Variants in MYO3B observed in about 807,000 individuals in gnomAD.
MYO3B encodes myosin-IIIb.
A neutral mutation model predicts 174.6 loss-of-function variants in MYO3B; 156 were observed. The ratio of observed to expected loss-of-function variants is 0.89; its 90% confidence interval spans 0.78 to 1.02. MYO3B has a LOEUF of 1.02. Ranked by LOEUF, MYO3B falls within the 50% of genes least tolerant of loss-of-function variation. MYO3B has a pLI of 0.00. For synonymous variants in MYO3B, 563 were observed against 569.1 expected (o/e 0.99, Z 0.15); for missense variants, 1,632 against 1,639.4 (o/e 1.00, Z 0.08).
At chr2:170,386,057 C>G in intron 12 of MYO3B, 132 bp from the exon 13 acceptor site, 2 of 642,772 alleles carry the variant, frequency 3.1e-6, no homozygotes, top group Non-Finnish European at 5.4e-6. Context: ...TCTCTATGTA[C>G]TGAAATAGGA....
intron 9 of MYO3B, among the ~76,000 whole-genome samples, chr2:170,377,951 G>A (rs190844366): frequency 5.3e-5 from 8 of 151,988 alleles, no homozygotes; most frequent in East Asian, 3.9e-4. Context: ...CACATTAAAC[G>A]AGGAATTCTT....
intron 32 of MYO3B, among the ~76,000 whole-genome samples, chr2:170,566,240 A>G (rs1170747878): frequency 6.6e-6 from 1 of 152,200 alleles, no homozygotes; most frequent in Non-Finnish European, 1.5e-5. Flanking sequence ...TAAGGAATTT[A>G]TTCTTAACTG....
At chr2:170,632,418 C>G (rs1030156692) in intron 32 of MYO3B, among the ~76,000 whole-genome samples, 1 of 152,134 alleles carries the variant, frequency 6.6e-6, no homozygotes, top group Admixed American at 6.6e-5. Flanking sequence ...TAAAGATGTT[C>G]TTTGAAACCA....
intron 30 of MYO3B, among the ~76,000 whole-genome samples, chr2:170,528,529 C>T (rs1487389663): frequency 6.6e-6 from 1 of 152,198 alleles, no homozygotes; most frequent in Non-Finnish European, 1.5e-5. Context: ...CCTCAGCCTC[C>T]TGACTAGCTG....
chr2:170,459,267 TCCATTTTACAGAGAGCTGATTGAC>T (rs971163033), intron 23 of MYO3B, among the ~76,000 whole-genome samples: 7 of 152,272 alleles, frequency 4.6e-5, no homozygotes, highest in South Asian at 4.2e-4. Flanking sequence ...TGCGGATTGG[TCCATTTTACAGAGAGCTGATTGAC>T]CCATTTTACA....
chr2:170,237,412 A>G (rs1041667900), intron 7 of MYO3B, among the ~76,000 whole-genome samples: 4 of 151,926 alleles, frequency 2.6e-5, no homozygotes, highest in Admixed American at 2.6e-4. Context: ...AATAATATGT[A>G]CTTTTGATAA....
Position 170,584,849 on chromosome 2 carries a change from T to C in MYO3B, c.3733+40861T>C, listed in dbSNP as rs548916514. ...TGATTCTAACCCATAGGAGAAAAAT[T>C]GAAATAAATTTTCAGTAGACAGTAG... On this transcript the variant is annotated intron_variant, in intron 32 of 34. Coordinates refer to ENST00000408978, the MANE Select transcript of MYO3B (RefSeq NM_138995.5). Among the ~76,000 whole-genome samples, 12 of 152,342 alleles carry C rather than the reference T, an allele frequency of 7.9e-5. 1 individual carries two copies. Among genetic ancestry groups the C allele is most frequent in the African/African-American group, 2.9e-4 (12 of 41,580 alleles).
intron 17 of MYO3B, 73 bp downstream of exon 17, chr2:170,400,387 C>A: frequency 2.0e-6 from 3 of 1,492,264 alleles, no homozygotes; most frequent in South Asian, 1.3e-5. Flanking sequence ...AAATATAATG[C>A]AGCATTTGCT....
intron 20 of MYO3B, 95 bp from the exon 21 acceptor site, chr2:170,405,450 C>T (rs2094503664): frequency 1.8e-6 from 2 of 1,101,936 alleles, no homozygotes; most frequent in South Asian, 1.4e-5. Context: ...TTCTGAAAGC[C>T]CTTATTCTGA....
At chr2:170,429,748 A>G (rs1363330962) in intron 22 of MYO3B, among the ~76,000 whole-genome samples, 2 of 152,274 alleles carry the variant, frequency 1.3e-5, no homozygotes, top group Admixed American at 6.5e-5. Flanking sequence ...AGCTTTCACA[A>G]TCTAGCTCAT....
At chr2:170,235,581 A>G (rs1254562097) in intron 6 of MYO3B, among the ~76,000 whole-genome samples, 1 of 152,188 alleles carries the variant, frequency 6.6e-6, no homozygotes, top group Non-Finnish European at 1.5e-5. Context: ...CGGGAATTTC[A>G]TGCATCTCAA....
intron 25 of MYO3B, among the ~76,000 whole-genome samples, chr2:170,489,839 TAAC>T (rs1686342908): frequency 6.6e-6 from 1 of 152,124 alleles, no homozygotes; most frequent in Non-Finnish European, 1.5e-5. Flanking sequence ...ACTTAAATAA[TAAC>T]AATATTATTT....
intron 6 of MYO3B, among the ~76,000 whole-genome samples, chr2:170,223,702 G>A (rs1355298498): frequency 1.3e-5 from 2 of 152,234 alleles, no homozygotes; most frequent in African/African-American, 4.8e-5. Flanking sequence ...GGTAATGGCA[G>A]GGGGTTAGGG....
At chr2:170,627,760 C>T (rs1696579429) in intron 32 of MYO3B, among the ~76,000 whole-genome samples, 1 of 151,530 alleles carries the variant, frequency 6.6e-6, no homozygotes, top group African/African-American at 2.4e-5. Flanking sequence ...GTTAGTTTTC[C>T]TTCTAACAGT....
intron 12 of MYO3B, among the ~76,000 whole-genome samples, chr2:170,385,571 A>G (rs1174307169): frequency 6.6e-6 from 1 of 152,228 alleles, no homozygotes; most frequent in Non-Finnish European, 1.5e-5. Flanking sequence ...AATGATAAAA[A>G]TATCAACAAT....
chr2:170,307,727 C>A (rs893463927), intron 7 of MYO3B, among the ~76,000 whole-genome samples: 6 of 152,220 alleles, frequency 3.9e-5, no homozygotes, highest in Admixed American at 2.0e-4. Context: ...TCTTGCAGAG[C>A]AGGGTCACCC....
chr2:170,470,305 T>G (rs1559033128), intron 25 of MYO3B, among the ~76,000 whole-genome samples: 1 of 152,144 alleles, frequency 6.6e-6, no homozygotes, highest in Non-Finnish European at 1.5e-5. Context: ...AACTTCCATC[T>G]GTATGGATTT....
rs75122536 is a variant in MYO3B, at chr2:170,428,803, G to A, written c.2651-15164G>A. On this transcript the variant is annotated intron_variant, in intron 22 of 34. Coordinates refer to ENST00000408978, the MANE Select transcript of MYO3B (RefSeq NM_138995.5). ...CATGACGGAATGCCATGACACACAA[G>A]TGCAGAACCACTGATCTTCTCAAAC... is the stretch of plus-strand genomic sequence containing the variant. Among the ~76,000 whole-genome samples, 17 of 152,312 alleles carry A rather than the reference G, an allele frequency of 1.1e-4. No homozygotes were observed. The East Asian group carries it at 3.3e-3, about 29-fold the overall frequency.
At chr2:170,241,493 CA>C (rs1466892400) in intron 7 of MYO3B, among the ~76,000 whole-genome samples, 3 of 152,206 alleles carry the variant, frequency 2.0e-5, no homozygotes, top group African/African-American at 7.2e-5. Context: ...TTTGTTCGTC[CA>C]GACTCAGGCT....
Sources: gnomAD v4.1 joint callset for allele counts (sites outside exome capture counted in the v4.1 genomes callset) on GRCh38, gnomAD v4.1.1 for gene constraint, MANE v1.5 for transcripts, NCBI Gene and HGNC (gene_info 2026-07-23, HGNC 2026-07-21) for gene names.